RNF38: variants seen among roughly 807,000 people sequenced by gnomAD.
RNF38 encodes the protein ring finger protein 38, also known as E3 ubiquitin-protein ligase RNF38.
Under a neutral mutation model 67.2 loss-of-function variants are expected in RNF38, and 15 were observed. That is an observed-to-expected ratio of 0.22 (90% CI 0.15 to 0.34). The LOEUF is 0.34. Ranked by LOEUF, RNF38 falls within the 10% of genes least tolerant of loss-of-function variation. The probability of loss-of-function intolerance (pLI) is 1.00; values close to 1 mark genes in which losing one functional copy is unlikely to be tolerated. For missense variants in RNF38, 524 were observed against 639.9 expected (o/e 0.82, Z 1.95); for synonymous variants, 220 against 218.8 (o/e 1.01, Z -0.05).
intron 2 of RNF38, among the ~76,000 whole-genome samples, chr9:36,385,047 C>A (rs1328879958): frequency 1.3e-5 from 2 of 152,006 alleles, no homozygotes; most frequent in East Asian, 3.9e-4. Flanking sequence ...AAGAACTCAA[C>A]ATGAATTGTT....
At chr9:36,340,296 G>A (rs138071052) in intron 11 of RNF38, among the ~76,000 whole-genome samples, 74 of 152,266 alleles carry the variant, frequency 4.9e-4, no homozygotes, top group South Asian at 1.0e-3. Flanking sequence ...ATGATTTTTA[G>A]TAGGTCTGTT....
chr9:36,390,751 T>C lies in RNF38; in HGVS notation c.13-135A>G, dbSNP rs149720593. 1.8e-3 allele frequency: 1,747 copies of C among 956,868 alleles called. 7 individuals are homozygous for C. Among genetic ancestry groups the C allele is most frequent in the African/African-American group, 9.9e-3 (589 of 59,480 alleles). The allele number at this position is 956,868 out of a possible 1,614,324, so 59.3% of individuals were successfully genotyped here. On this transcript the variant is annotated intron_variant, in intron 1 of 11. Coordinates refer to ENST00000259605, the MANE Select transcript of RNF38 (RefSeq NM_022781.5). Reference sequence around the variant, plus strand: ...CGAAGACAGGAAAGAAATTAAAAATTAATTTTAAACATCAAAACATAAAGA... The same window carrying C: ...CGAAGACAGGAAAGAAATTAAAAATCAATTTTAAACATCAAAACATAAAGA...
At chr9:36,378,904 CTT>C (rs35905528) in intron 2 of RNF38, among the ~76,000 whole-genome samples, 3 of 144,760 alleles carry the variant, frequency 2.1e-5, no homozygotes, top group African/African-American at 2.5e-5. Context: ...TTTCTTTTTC[CTT>C]TTTTTTTTTT....
chr9:36,480,761 A>C (rs1000685556), intron 1 of RNF38, among the ~76,000 whole-genome samples: 4 of 151,460 alleles, frequency 2.6e-5, no homozygotes, highest in African/African-American at 4.8e-5. Context: ...CATGTTGCCC[A>C]GGCTGGTCTC....
At chr9:36,339,898 CACAGTTTTTACATTCT>C (rs1587447292) in intron 11 of RNF38, 84 bp from the exon 12 acceptor site, 1 of 1,171,458 alleles carries the variant, frequency 8.5e-7, no homozygotes. Context: ...TTTTACTTCC[CACAGTTTTTACATTCT>C]TTCTTCCTCT....
Position 36,397,062 on chromosome 9 carries a change from C to T in RNF38, c.12+3035G>A, listed in dbSNP as rs1361907668. On this transcript the variant is annotated intron_variant, in intron 1 of 11. Coordinates refer to ENST00000259605, the MANE Select transcript of RNF38 (RefSeq NM_022781.5). ...ATACGTATATACACATGTATATATA[C>T]GTATATATATGTGTGTGTGTATATA... Among the ~76,000 whole-genome samples the T allele has an allele frequency of 3.2e-5, 4 of 126,044 alleles. No homozygotes were observed. In the East Asian group the frequency reaches 6.5e-4, roughly 21 times the overall value. 82.7% of individuals were successfully genotyped at this position (126,044 alleles called of 152,430 possible). A position where few individuals can be genotyped will look rare whatever the true frequency, so the allele number is the denominator to read the frequency against.
intron 1 of RNF38, among the ~76,000 whole-genome samples, chr9:36,477,717 G>A (rs907221592): frequency 6.6e-6 from 1 of 151,538 alleles, no homozygotes; most frequent in African/African-American, 2.4e-5. Flanking sequence ...CAGCTACAGG[G>A]AGGCTGAGGC....
chr9:36,453,675 G>A (rs1014165309), intron 1 of RNF38, among the ~76,000 whole-genome samples: 4 of 151,798 alleles, frequency 2.6e-5, no homozygotes, highest in African/African-American at 7.3e-5. Flanking sequence ...GAGCCACTGC[G>A]CCCGCCACTG....
At chr9:36,368,329 T>C (rs1313944153) in intron 4 of RNF38, among the ~76,000 whole-genome samples, 2 of 152,232 alleles carry the variant, frequency 1.3e-5, no homozygotes, top group Non-Finnish European at 2.9e-5. Context: ...AAATGAGACC[T>C]TGCCTTTTCT....
chr9:36,347,106 G>C (rs1246560450), intron 9 of RNF38, among the ~76,000 whole-genome samples: 1 of 106,278 alleles, frequency 9.4e-6, no homozygotes, highest in African/African-American at 3.7e-5. Context: ...GGGCGACAAA[G>C]GGAGACTCCA....
chr9:36,404,691 T>TA, upstream of RNF38, among the ~76,000 whole-genome samples: 1 of 152,362 alleles, frequency 6.6e-6, no homozygotes, highest in East Asian at 1.9e-4. Flanking sequence ...TCTAATAGTT[T>TA]ATCTCAGTTC....
At chr9:36,354,216 G>C (rs1833922959) in intron 6 of RNF38, among the ~76,000 whole-genome samples, 1 of 152,176 alleles carries the variant, frequency 6.6e-6, no homozygotes, top group Admixed American at 6.5e-5. Flanking sequence ...TTTTGAGACA[G>C]AGTCTTGCTC....
intron 2 of RNF38, among the ~76,000 whole-genome samples, chr9:36,387,293 G>A (rs1179382668): frequency 6.6e-6 from 1 of 152,048 alleles, no homozygotes; most frequent in East Asian, 1.9e-4. Flanking sequence ...CCTCTCCTGG[G>A]GTCTGGATCA....
upstream of RNF38, among the ~76,000 whole-genome samples, chr9:36,405,127 C>A (rs565430723): frequency 6.6e-6 from 1 of 152,176 alleles, no homozygotes; most frequent in East Asian, 1.9e-4. Flanking sequence ...ATTAGCCAGG[C>A]ATGGTGGCAC....
chr9:36,477,989 C>T (rs965080392), intron 1 of RNF38, among the ~76,000 whole-genome samples: 3 of 150,646 alleles, frequency 2.0e-5, no homozygotes, highest in Non-Finnish European at 2.9e-5. Context: ...AAAGCAAGAC[C>T]TTGTCTCAAA....
chr9:36,417,697 G>C (rs921903825), intron 2 of RNF38, among the ~76,000 whole-genome samples: 2 of 152,006 alleles, frequency 1.3e-5, no homozygotes, highest in Admixed American at 1.3e-4. Context: ...TTTTAGTAGA[G>C]ACAGGGTTTC....
intron 2 of RNF38, among the ~76,000 whole-genome samples, chr9:36,422,305 T>G (rs1838650050): frequency 6.6e-6 from 1 of 151,818 alleles, no homozygotes; most frequent in Non-Finnish European, 1.5e-5. Context: ...ACGCCTGTAA[T>G]CCCAGCTACT....
intron 9 of RNF38, among the ~76,000 whole-genome samples, chr9:36,348,300 GAAAA>G (rs953454535): frequency 7.2e-6 from 1 of 139,024 alleles, no homozygotes; most frequent in Non-Finnish European, 1.6e-5. Flanking sequence ...ATCTCTGAAA[GAAAA>G]AAAAAAAAAT....
intron 2 of RNF38, among the ~76,000 whole-genome samples, chr9:36,423,169 A>G (rs1272154091): frequency 6.6e-6 from 1 of 152,226 alleles, no homozygotes; most frequent in Non-Finnish European, 1.5e-5. Context: ...GTAGCCAACT[A>G]TATATTCTAG....
Sources: allele counts gnomAD v4.1 joint callset (sites outside exome capture counted in the v4.1 genomes callset), GRCh38; gene constraint gnomAD v4.1.1; transcripts MANE v1.5; gene names NCBI Gene and HGNC (gene_info 2026-07-23, HGNC 2026-07-21).